MARCHF3: variants seen among roughly 807,000 people sequenced by gnomAD.
The protein encoded by MARCHF3 is E3 ubiquitin-protein ligase MARCHF3.
MARCHF3 carries 13 observed loss-of-function variants against 24.2 expected under a neutral mutation model. The ratio of observed to expected loss-of-function variants is 0.54; its 90% CI spans 0.35 to 0.85. The LOEUF is 0.85. Among genes scored for constraint, MARCHF3 ranks in the 40% least tolerant of loss-of-function variants. The pLI is 0.01. For missense variants in MARCHF3, 276 were observed against 325.0 expected, an observed-to-expected ratio of 0.85 and a Z score of 1.16; for synonymous variants, 144 against 137.3, an observed-to-expected ratio of 1.05 and a Z score of -0.34.
At position 126,869,388 on chromosome 5, in the gene MARCHF3, G is replaced by C. The variant is rs1387216101; in HGVS notation, c.*1245C>G. On this transcript the variant is annotated 3_prime_UTR_variant, in exon 5 of 5. Coordinates refer to ENST00000308660, the MANE Select transcript of MARCHF3 (RefSeq NM_178450.5). ...AGAAGACATCCGCTCCTGCCTCGGT[G>C]CGCGCACAATGCAGGCTGCGGATCA... 6.6e-6 allele frequency: 1 copy of C among 152,212 alleles called. No homozygotes were observed. Among genetic ancestry groups the C allele is most frequent in the Non-Finnish European group, 1.5e-5 (1 of 68,056 alleles). 9.4% of individuals were successfully genotyped at this position (152,212 alleles called of 1,614,324 possible). A position where few individuals can be genotyped will look rare whatever the true frequency, so the allele number is the denominator to read the frequency against.
chr5:127,002,979 G>C (rs1328241256), intron 1 of MARCHF3, among the ~76,000 whole-genome samples: 1 of 152,192 alleles, frequency 6.6e-6, no homozygotes, highest in African/African-American at 2.4e-5. Flanking sequence ...AACCAGAGTG[G>C]AGAGGACAGG....
At position 126,905,422 on chromosome 5, in the gene MARCHF3, C is replaced by T. The variant is rs1305542955; in HGVS notation, c.393+9508G>A. 4.9e-3 allele frequency among the ~76,000 whole-genome samples: 709 copies of T among 144,650 alleles called. 10 individuals carry two copies. Among genetic ancestry groups the T allele is most frequent in the African/African-American group, 0.018 (678 of 38,196 alleles). The allele number at this position is 144,650 out of a possible 152,430, so 94.9% of individuals were successfully genotyped here. On this transcript the variant is annotated intron_variant, in intron 3 of 4. Transcript: ENST00000308660. ...ACCTTGGGCAGTATGGCCATTTTCA[C>T]GATATTGATTCTTCCTACCCATGAG...
At chr5:127,027,536 T>C (rs1753040977) in intron 1 of MARCHF3, among the ~76,000 whole-genome samples, 1 of 151,394 alleles carries the variant, frequency 6.6e-6, no homozygotes, top group Non-Finnish European at 1.5e-5. Context: ...GAACTCAGAG[T>C]GGGGGGTGAA....
chr5:126,962,375 T>C (rs1444292621), intron 1 of MARCHF3, among the ~76,000 whole-genome samples: 1 of 152,104 alleles, frequency 6.6e-6, no homozygotes, highest in Non-Finnish European at 1.5e-5. Context: ...GCTATGGTCA[T>C]TCCCTTCCAG....
chr5:126,900,729 T>C (rs1036685076), intron 3 of MARCHF3, among the ~76,000 whole-genome samples: 1 of 146,676 alleles, frequency 6.8e-6, no homozygotes, highest in Non-Finnish European at 1.5e-5. Context: ...TGAGATGGAG[T>C]CTCACTCTGT....
intron 1 of MARCHF3, among the ~76,000 whole-genome samples, chr5:126,939,055 G>A (rs1749739885): frequency 6.6e-6 from 1 of 152,158 alleles, no homozygotes; most frequent in South Asian, 2.1e-4. Flanking sequence ...ATCTTAGAAA[G>A]ATTGCCAGAG....
In MARCHF3 at chr5:126,868,052, C is replaced by T. The variant is rs1266484729; in HGVS notation, c.*2581G>A. ...CCACGAGGGTCCTTTAGGTAAAGGA[C>T]CCCCACTCCTCATCTCTTCCTCTTC... On this transcript the variant is annotated 3_prime_UTR_variant, in exon 5 of 5. Transcript: ENST00000308660. 5.3e-5 allele frequency: 8 copies of T among 152,068 alleles called. No individual in the cohort carries two copies. Among genetic ancestry groups the T allele is most frequent in the Non-Finnish European group, 1.5e-5 (1 of 68,030 alleles). 9.4% of individuals were successfully genotyped at this position (152,068 alleles called of 1,614,324 possible).
chr5:126,874,973 A>G (rs1222829362), intron 4 of MARCHF3, among the ~76,000 whole-genome samples: 1 of 152,154 alleles, frequency 6.6e-6, no homozygotes, highest in African/African-American at 2.4e-5. Flanking sequence ...TCGCTCATTC[A>G]TTCCCTTCTG....
At chr5:127,019,964 G>A (rs1458841427) in intron 1 of MARCHF3, among the ~76,000 whole-genome samples, 1 of 152,176 alleles carries the variant, frequency 6.6e-6, no homozygotes, top group Non-Finnish European at 1.5e-5. Context: ...CCTGGGATAG[G>A]AGATGAGACA....
At chr5:126,940,574 A>C (rs1483849221) in intron 1 of MARCHF3, among the ~76,000 whole-genome samples, 6 of 151,836 alleles carry the variant, frequency 4.0e-5, no homozygotes, top group African/African-American at 1.2e-4. Flanking sequence ...CAGCCTCCCA[A>C]GTTGCTGGGA....
chr5:126,976,255 G>T (rs1751190904), intron 1 of MARCHF3, among the ~76,000 whole-genome samples: 1 of 152,192 alleles, frequency 6.6e-6, no homozygotes, highest in African/African-American at 2.4e-5. Context: ...AGGACCTTGA[G>T]GGTAAAATTA....
At chr5:126,967,296 C>T (rs1300787602) in intron 1 of MARCHF3, among the ~76,000 whole-genome samples, 3 of 152,020 alleles carry the variant, frequency 2.0e-5, no homozygotes, top group African/African-American at 4.8e-5. Context: ...TTGGCATACA[C>T]GATATGCGAT....
At chr5:126,939,144 T>A (rs1253806414) in intron 1 of MARCHF3, among the ~76,000 whole-genome samples, 1 of 152,168 alleles carries the variant, frequency 6.6e-6, no homozygotes, top group Non-Finnish European at 1.5e-5. Flanking sequence ...ACAAACATAA[T>A]CTTATGCTAG....
chr5:126,909,684 C>T (rs142331741), intron 3 of MARCHF3, among the ~76,000 whole-genome samples: 2,405 of 152,198 alleles, frequency 0.016, 63 homozygotes, highest in South Asian at 0.12. Context: ...ACACGGTGCC[C>T]GCACCCACTG....
chr5:126,938,461 C>T (rs1274148675), intron 1 of MARCHF3, among the ~76,000 whole-genome samples: 1 of 151,614 alleles, frequency 6.6e-6, no homozygotes, highest in Non-Finnish European at 1.5e-5. Flanking sequence ...AGCCACTGTG[C>T]CTGGCCTGTT....
chr5:127,023,977 G>C (rs72782313), intron 1 of MARCHF3, among the ~76,000 whole-genome samples: 1,689 of 152,242 alleles, frequency 0.011, 13 homozygotes, highest in Middle Eastern at 0.017. Flanking sequence ...ACATTACAGT[G>C]AAGCTGTCCC....
intron 1 of MARCHF3, among the ~76,000 whole-genome samples, chr5:126,953,796 C>G (rs913648626): frequency 1.3e-5 from 2 of 152,160 alleles, no homozygotes; most frequent in Non-Finnish European, 2.9e-5. Flanking sequence ...TGTTCCTCCC[C>G]CTTTGTCTGC....
chr5:127,027,711 T>C (rs1753049454), intron 1 of MARCHF3, among the ~76,000 whole-genome samples: 1 of 152,218 alleles, frequency 6.6e-6, no homozygotes, highest in African/African-American at 2.4e-5. Flanking sequence ...GACAGAGAGT[T>C]AATGCATTAC....
chr5:127,017,262 TA>T (rs143395268), intron 1 of MARCHF3, among the ~76,000 whole-genome samples: 64 of 151,368 alleles, frequency 4.2e-4, no homozygotes, highest in African/African-American at 7.8e-4. Context: ...TAAAGTATGA[TA>T]AAAAAAAATG....
Sources: allele counts gnomAD v4.1 joint callset (sites outside exome capture counted in the v4.1 genomes callset), GRCh38; gene constraint gnomAD v4.1.1; transcripts MANE v1.5; gene names NCBI Gene and HGNC (gene_info 2026-07-23, HGNC 2026-07-21).